Variants in RALGAPA2 observed in about 807,000 individuals in gnomAD.
RALGAPA2 encodes Ral GTPase activating protein catalytic subunit alpha 2.
A neutral mutation model predicts 230.4 loss-of-function variants in RALGAPA2; 139 were observed. The ratio of observed to expected loss-of-function variants is 0.60; its 90% CI spans 0.53 to 0.69. The LOEUF is 0.69. Among genes scored for constraint, RALGAPA2 ranks in the 30% least tolerant of loss-of-function variants. The pLI, the probability that RALGAPA2 is intolerant of heterozygous loss-of-function variation, is 0.00. For missense variants in RALGAPA2, 2,163 were observed against 2,276.0 expected (o/e 0.95, Z 1.01); for synonymous variants, 847 against 837.8 (o/e 1.01, Z -0.19).
rs201120252 is a variant in RALGAPA2, at chr20:20,526,306, G to A, written c.3639C>T (p.Ser1213=). Residue 1213 remains serine, a synonymous_variant, in exon 28 of 40, where the codon TCC becomes TCT. Coordinates refer to ENST00000202677, the MANE Select transcript of RALGAPA2 (RefSeq NM_020343.4). Reference sequence around the variant, plus strand: ...CAAACATCTGAAGCTTCTCCCAGTAGGAAACCAGCAACTGAAGGACATCGC... The same window carrying A: ...CAAACATCTGAAGCTTCTCCCAGTAAGAAACCAGCAACTGAAGGACATCGC... ...VACDVLQLLV[S]YWEKLQMFET... is the part of the protein sequence containing the mutation. The A allele has an allele frequency of 1.8e-3, 2,969 of 1,608,794 alleles. 4 individuals carry two copies. The highest frequency in any genetic ancestry group is 2.4e-3 in the Non-Finnish European group (2,791 of 1,178,624).
At chr20:20,434,579 T>C (rs1212316363) in intron 37 of RALGAPA2, among the ~76,000 whole-genome samples, 2 of 152,084 alleles carry the variant, frequency 1.3e-5, no homozygotes, top group South Asian at 2.1e-4. Context: ...CTGCATGGGA[T>C]GTGTTTGTTT....
chr20:20,524,409 G>A lies in RALGAPA2; in HGVS notation c.3897C>T (p.Tyr1299=), dbSNP rs773342684. 1 of 1,613,748 alleles carries A rather than the reference G, an allele frequency of 6.2e-7. No individual in the cohort carries two copies. Among genetic ancestry groups the A allele is most frequent in the Non-Finnish European group, 8.5e-7 (1 of 1,179,764 alleles). ...CCAGGCCCAGGTGTAGACTCACCCTGTAGATATAATCCAGCAAGGGGGCTC... is the reference window on the plus strand; with the variant it reads ...CCAGGCCCAGGTGTAGACTCACCCTATAGATATAATCCAGCAAGGGGGCTC... The part of the protein sequence containing the change: ...SARAPLLDYI[Y]RVLHCCVCGS... Residue 1299 remains tyrosine (Y), a synonymous_variant, in exon 30 of 40, where the codon TAC becomes TAT. Coordinates refer to ENST00000202677, the MANE Select transcript of RALGAPA2 (RefSeq NM_020343.4).
Position 20,629,587 on chromosome 20 carries a change from C to T in RALGAPA2, c.1009G>A (p.Val337Ile). ...CTCTCCTGCACAGCACCACCACCAACAGTCTGGAAGAAAGTCAGCACACTT... is the reference window on the plus strand; with the variant it reads ...CTCTCCTGCACAGCACCACCACCAATAGTCTGGAAGAAAGTCAGCACACTT... ...VDVLPKIIQT[V>I]GGGAVQERAP... The change falls in exon 10 of 40, where the codon GTT becomes ATT. Residue 337 changes from valine (V) to isoleucine (I), a missense_variant. Transcript: ENST00000202677. 1 of 1,613,112 alleles carries T rather than the reference C, an allele frequency of 6.2e-7. No homozygotes were observed. The highest frequency in any genetic ancestry group is 8.5e-7 in the Non-Finnish European group (1 of 1,179,856).
intron 35 of RALGAPA2, 68 bp from the exon 36 acceptor site, chr20:20,495,343 C>G: frequency 7.7e-7 from 1 of 1,303,144 alleles, no homozygotes; most frequent in Non-Finnish European, 1.0e-6. Flanking sequence ...TCATGGCTTA[C>G]AAATTGAATT....
intron 29 of RALGAPA2, 83 bp from the exon 30 acceptor site, chr20:20,524,626 C>T: frequency 6.5e-7 from 1 of 1,546,716 alleles, no homozygotes; most frequent in Admixed American, 1.7e-5. Context: ...TATCCCTACA[C>T]CCAGTATTCA....
At chr20:20,432,542 CCT>C (rs1428424742) in intron 37 of RALGAPA2, among the ~76,000 whole-genome samples, 5 of 152,122 alleles carry the variant, frequency 3.3e-5, no homozygotes, top group Non-Finnish European at 7.3e-5. Context: ...ACCTAATCCC[CCT>C]GAGTGGAAGA....
intron 37 of RALGAPA2, among the ~76,000 whole-genome samples, chr20:20,433,445 C>T (rs913867144): frequency 4.6e-5 from 7 of 152,178 alleles, no homozygotes; most frequent in South Asian, 2.1e-4. Flanking sequence ...GGAGAAGCTG[C>T]AGCCAGGCAC....
At chr20:20,414,176 G>C (rs1166030912) in intron 37 of RALGAPA2, among the ~76,000 whole-genome samples, 1 of 152,202 alleles carries the variant, frequency 6.6e-6, no homozygotes, top group African/African-American at 2.4e-5. Flanking sequence ...ACTTATGGCT[G>C]ACAACCACCT....
intron 23 of RALGAPA2, among the ~76,000 whole-genome samples, chr20:20,548,359 C>G (rs187134091): frequency 6.6e-6 from 1 of 152,078 alleles, no homozygotes; most frequent in African/African-American, 2.4e-5. Context: ...ACCATTTTTC[C>G]TAAGACTTTT....
chr20:20,552,127 C>T (rs1336478537), intron 23 of RALGAPA2, among the ~76,000 whole-genome samples: 2 of 152,180 alleles, frequency 1.3e-5, no homozygotes, highest in East Asian at 3.8e-4. Flanking sequence ...AAGTAGCCAT[C>T]CTCCAAACCA....
chr20:20,465,148 T>TGCAC (rs2061388017), intron 37 of RALGAPA2, among the ~76,000 whole-genome samples: 1 of 10,452 alleles, frequency 9.6e-5, no homozygotes, highest in Non-Finnish European at 2.7e-4. Context: ...CCCGCAGGCC[T>TGCAC]TCACACACAC....
At chr20:20,568,103 C>T (rs2064504278) in intron 23 of RALGAPA2, among the ~76,000 whole-genome samples, 1 of 152,040 alleles carries the variant, frequency 6.6e-6, no homozygotes, top group Admixed American at 6.6e-5. Context: ...GACTCCTTCA[C>T]AGGCAGGCCG....
chr20:20,539,865 A>G (rs1033011965), intron 24 of RALGAPA2, among the ~76,000 whole-genome samples: 4 of 152,154 alleles, frequency 2.6e-5, no homozygotes, highest in Admixed American at 1.3e-4. Context: ...ACCACACAGT[A>G]TTTATCTTTC....
At chr20:20,639,956 A>C in intron 6 of RALGAPA2, 56 bp from the exon 7 acceptor site, 1 of 1,345,550 alleles carries the variant, frequency 7.4e-7, no homozygotes, top group East Asian at 2.3e-5. Flanking sequence ...TTTAAACAGA[A>C]TTTAGGGTTT....
intron 24 of RALGAPA2, among the ~76,000 whole-genome samples, chr20:20,544,839 C>T (rs1171989807): frequency 6.9e-6 from 1 of 145,926 alleles, no homozygotes; most frequent in South Asian, 2.2e-4. Context: ...ATGGACACAG[C>T]GAGGGGAATA....
In RALGAPA2 at chr20:20,503,497, A is replaced by G. The variant is rs972821682; in HGVS notation, c.5062T>C (p.Ser1688Pro). 4 of 1,572,152 alleles carry G rather than the reference A, an allele frequency of 2.5e-6. No homozygotes were observed. Among genetic ancestry groups the G allele is most frequent in the Non-Finnish European group, 3.4e-6 (4 of 1,160,100 alleles). The change falls in exon 35 of 40, where the codon TCC becomes CCC. Residue 1688 changes from serine (S) to proline (P), a missense_variant. Coordinates refer to ENST00000202677, the MANE Select transcript of RALGAPA2 (RefSeq NM_020343.4). ...CCACCCATGAACCCACAGTGGGTGG[A>G]GAGATCCACCTGACAAAGGTCACAA... ...VAGLGWEVDL[S>P]THCGFMGGLQ...
At chr20:20,447,632 C>CTT (rs67832544) in intron 37 of RALGAPA2, among the ~76,000 whole-genome samples, 6 of 144,244 alleles carry the variant, frequency 4.2e-5, no homozygotes, top group Non-Finnish European at 9.2e-5. Flanking sequence ...ATCAAATTGC[C>CTT]TTTTTTTTTT....
At chr20:20,611,088 C>A (rs1485031654) in intron 14 of RALGAPA2, among the ~76,000 whole-genome samples, 3 of 152,072 alleles carry the variant, frequency 2.0e-5, no homozygotes, top group Non-Finnish European at 2.9e-5. Flanking sequence ...TTCCTACCAC[C>A]CTTGAGCAAA....
At chr20:20,540,706 T>A (rs1344178814) in intron 24 of RALGAPA2, among the ~76,000 whole-genome samples, 1 of 152,158 alleles carries the variant, frequency 6.6e-6, no homozygotes, top group South Asian at 2.1e-4. Flanking sequence ...CATTTACCTT[T>A]ATACCATCTT....
Sources: gnomAD v4.1 joint callset for allele counts (sites outside exome capture counted in the v4.1 genomes callset) on GRCh38, gnomAD v4.1.1 for gene constraint, MANE v1.5 for transcripts, NCBI Gene and HGNC (gene_info 2026-07-23, HGNC 2026-07-21) for gene names.